SEMA3E: variants seen among roughly 807,000 people sequenced by gnomAD.
The protein encoded by SEMA3E is semaphorin 3E.
In SEMA3E, 49 loss-of-function variants were observed where a neutral mutation model predicts 93.6. That is an observed-to-expected ratio of 0.52 (90% CI 0.42 to 0.66). The LOEUF is 0.66. Among genes scored for constraint, SEMA3E ranks in the 30% least tolerant of loss-of-function variants. SEMA3E has a pLI of 0.00. For missense variants in SEMA3E, 906 were observed against 964.8 expected, an observed-to-expected ratio of 0.94 and a Z score of 0.81; for synonymous variants, 363 against 330.7, an observed-to-expected ratio of 1.10 and a Z score of -1.06.
At chr7:83,429,692 C>G (rs553610738) in intron 4 of SEMA3E, among the ~76,000 whole-genome samples, 1 of 152,280 alleles carries the variant, frequency 6.6e-6, no homozygotes, top group East Asian at 1.9e-4. Flanking sequence ...CTTTGTCCCT[C>G]ATAGTTTCCC....
At chr7:83,410,446 TCTGGA>T (rs778576237) in intron 5 of SEMA3E, among the ~76,000 whole-genome samples, 1 of 152,186 alleles carries the variant, frequency 6.6e-6, no homozygotes, top group East Asian at 1.9e-4. Context: ...ACTATTTAAA[TCTGGA>T]CTTAACAATA....
chr7:83,629,057 C>CTGCTGGAGTT (rs1280630355), intron 1 of SEMA3E, among the ~76,000 whole-genome samples: 2 of 152,102 alleles, frequency 1.3e-5, no homozygotes, highest in African/African-American at 4.8e-5. Flanking sequence ...TTCTCCAGGT[C>CTGCTGGAGTT]TGCTGGAGTT....
intron 4 of SEMA3E, among the ~76,000 whole-genome samples, chr7:83,455,457 T>A (rs1377849077): frequency 1.3e-5 from 2 of 152,310 alleles, no homozygotes; most frequent in African/African-American, 4.8e-5. Context: ...AGAAACATTT[T>A]CTAAAAATAC....
intron 1 of SEMA3E, among the ~76,000 whole-genome samples, chr7:83,520,952 T>G (rs1241720991): frequency 6.6e-6 from 1 of 152,178 alleles, no homozygotes; most frequent in East Asian, 1.9e-4. Context: ...GTATGGGGCA[T>G]TAGGTTGTGG....
At chr7:83,529,830 C>T (rs1223491647) in intron 1 of SEMA3E, among the ~76,000 whole-genome samples, 1 of 152,068 alleles carries the variant, frequency 6.6e-6, no homozygotes, top group Non-Finnish European at 1.5e-5. Flanking sequence ...TTCGTATGCC[C>T]TTGATTTCTC....
intron 4 of SEMA3E, among the ~76,000 whole-genome samples, chr7:83,425,222 GA>G (rs11359603): frequency 0.037 from 5,501 of 149,174 alleles, 316 homozygotes; most frequent in African/African-American, 0.13. Context: ...TTCAATACTT[GA>G]AAAAAAAAAT....
intron 16 of SEMA3E, among the ~76,000 whole-genome samples, chr7:83,377,463 C>T (rs970215611): frequency 6.6e-5 from 10 of 151,948 alleles, no homozygotes; most frequent in African/African-American, 2.4e-4. Context: ...AGCCTAAAAA[C>T]AGCCACAGAC....
At position 83,364,119 on chromosome 7, in the gene SEMA3E, C is replaced by T. The variant is rs1399724801; in HGVS notation, c.*3467G>A. ...CCTTGTTAGCCAGGATGGTCTCGAT[C>T]TCCTGACCTCATGATCCACCCGCCT... On this transcript the variant is annotated 3_prime_UTR_variant, in exon 17 of 17. Transcript: ENST00000643230. 3 of 151,668 alleles carry T rather than the reference C, an allele frequency of 2.0e-5. No homozygotes were observed. The highest frequency in any genetic ancestry group is 2.0e-4 in the East Asian group (1 of 5,126). 9.4% of individuals were successfully genotyped at this position (151,668 alleles called of 1,614,324 possible). A position where few individuals can be genotyped will look rare whatever the true frequency, so the allele number is the denominator to read the frequency against.
chr7:83,364,264 A>C lies in SEMA3E; in HGVS notation c.*3322T>G, dbSNP rs530039687. 1.4e-4 allele frequency: 21 copies of C among 152,328 alleles called. No individual in the cohort carries two copies. Among genetic ancestry groups the C allele is most frequent in the Middle Eastern group, 3.4e-3 (1 of 294 alleles). 9.4% of individuals were successfully genotyped at this position (152,328 alleles called of 1,614,324 possible). On this transcript the variant is annotated 3_prime_UTR_variant, in exon 17 of 17. Coordinates refer to ENST00000643230, the MANE Select transcript of SEMA3E (RefSeq NM_012431.3). Reference sequence around the variant, plus strand: ...TTAACACCAACACTCAAAATGACTTATAGTATTTTACAAATTTTACAAATG... The same window carrying C: ...TTAACACCAACACTCAAAATGACTTCTAGTATTTTACAAATTTTACAAATG...
chr7:83,581,803 CAG>C (rs1377493172), intron 1 of SEMA3E, among the ~76,000 whole-genome samples: 1 of 151,916 alleles, frequency 6.6e-6, no homozygotes, highest in Non-Finnish European at 1.5e-5. Context: ...AACAATCTGT[CAG>C]AGTGTACAGT....
rs144510232 is a variant in SEMA3E, at chr7:83,627,702, A to G, written c.115+20726T>C. ...TCCTACAACCCTTTATTTTGAGCCT[A>G]TGTATGTCTTTGTATGTGAGATAGG... is the stretch of plus-strand genomic sequence containing the variant. On this transcript the variant is annotated intron_variant, in intron 1 of 16. Coordinates refer to ENST00000643230, the MANE Select transcript of SEMA3E (RefSeq NM_012431.3). 4.5e-3 allele frequency among the ~76,000 whole-genome samples: 530 copies of G among 118,074 alleles called. 5 individuals are homozygous for G. Among genetic ancestry groups the G allele is most frequent in the African/African-American group, 0.017 (498 of 28,938 alleles). 77.5% of individuals were successfully genotyped at this position (118,074 alleles called of 152,430 possible).
intron 4 of SEMA3E, among the ~76,000 whole-genome samples, chr7:83,434,439 TATTAA>T (rs1419118410): frequency 6.6e-6 from 1 of 152,230 alleles, no homozygotes; most frequent in African/African-American, 2.4e-5. Context: ...AAGCAAACTT[TATTAA>T]ATTAGAATTC....
intron 4 of SEMA3E, among the ~76,000 whole-genome samples, chr7:83,420,537 A>G (rs941859098): frequency 4.1e-4 from 63 of 152,142 alleles, no homozygotes; most frequent in African/African-American, 1.5e-3. Flanking sequence ...AAAAACAAAG[A>G]AAAACTGGAG....
chr7:83,372,787 C>T (rs1311253411), intron 16 of SEMA3E: 1 of 152,114 alleles, frequency 6.6e-6, no homozygotes, highest in Non-Finnish European at 1.5e-5. Context: ...TCTGGAGGGC[C>T]ATACATTATG....
chr7:83,386,891 C>T (rs1360847999), intron 15 of SEMA3E, 92 bp downstream of exon 15: 1 of 1,147,378 alleles, frequency 8.7e-7, no homozygotes, highest in Non-Finnish European at 1.3e-6. Context: ...ACATGAATCA[C>T]AAAGAAAAAA....
chr7:83,436,167 C>A (rs915228172), intron 4 of SEMA3E, among the ~76,000 whole-genome samples: 10 of 151,692 alleles, frequency 6.6e-5, no homozygotes, highest in African/African-American at 2.4e-4. Flanking sequence ...TATAGTAGTT[C>A]TCTAACATAT....
At chr7:83,577,304 G>GT (rs1792426327) in intron 1 of SEMA3E, among the ~76,000 whole-genome samples, 2 of 152,104 alleles carry the variant, frequency 1.3e-5, no homozygotes, top group Admixed American at 6.6e-5. Flanking sequence ...TTTGAAAAGC[G>GT]TATGTTGCAT....
chr7:83,526,031 C>T (rs1791151871), intron 1 of SEMA3E, among the ~76,000 whole-genome samples: 1 of 151,888 alleles, frequency 6.6e-6, no homozygotes, highest in Non-Finnish European at 1.5e-5. Flanking sequence ...AATATTTCAA[C>T]TGTGTCTCTG....
chr7:83,551,664 T>A (rs1179239900), intron 1 of SEMA3E, among the ~76,000 whole-genome samples: 1 of 152,146 alleles, frequency 6.6e-6, no homozygotes, highest in Non-Finnish European at 1.5e-5. Flanking sequence ...TTTGAATACA[T>A]GAACAATAAC....
Sources: allele counts gnomAD v4.1 joint callset (sites outside exome capture counted in the v4.1 genomes callset), GRCh38; gene constraint gnomAD v4.1.1; transcripts MANE v1.5; gene names NCBI Gene and HGNC (gene_info 2026-07-23, HGNC 2026-07-21).